The following USP30 variants were observed in gnomAD, a reference collection of about 807,000 sequenced individuals.
USP30 encodes the protein ubiquitin carboxyl-terminal hydrolase 30.
A neutral mutation model predicts 68.2 loss-of-function variants in USP30; 41 were observed. The ratio of observed to expected loss-of-function variants is 0.60; its 90% CI spans 0.47 to 0.78. The LOEUF is 0.78. USP30 is among the 30% of genes least tolerant of loss of function. USP30 has a pLI of 0.00. For synonymous variants in USP30, 229 were observed against 253.7 expected (o/e 0.90, Z 0.93); for missense variants, 522 against 649.4 (o/e 0.80, Z 2.13).
chr12:109,081,605 A>T, intron 8 of USP30: 1 of 587,460 alleles, frequency 1.7e-6, no homozygotes. Context: ...CTTTTTGAAT[A>T]CACACGCACG....
chr12:109,057,308 G>A (rs374348235), intron 2 of USP30, among the ~76,000 whole-genome samples: 45 of 152,142 alleles, frequency 3.0e-4, no homozygotes, highest in Non-Finnish European at 5.1e-4. Flanking sequence ...GTTAAATCTG[G>A]GGACAGTTAT....
intron 3 of USP30, among the ~76,000 whole-genome samples, chr12:109,066,404 G>A (rs565155007): frequency 3.9e-5 from 6 of 152,256 alleles, no homozygotes; most frequent in South Asian, 2.1e-4. Flanking sequence ...TAAACCACTC[G>A]GGTGGGTGCA....
chr12:109,056,612 C>T lies in USP30; in HGVS notation c.84-70C>T, dbSNP rs559935742. 8 of 1,028,248 alleles carry T rather than the reference C, an allele frequency of 7.8e-6. No individual in the cohort carries two copies. In the South Asian group the frequency reaches 1.4e-4, roughly 18 times the overall value. The allele number at this position is 1,028,248 out of a possible 1,614,324, so 63.7% of individuals were successfully genotyped here. Reference sequence around the variant, plus strand: ...TGGGTTATTTTGACAAAATGTTATTCTGTCTATATCTGTATATTTGCCTTT... The same window carrying T: ...TGGGTTATTTTGACAAAATGTTATTTTGTCTATATCTGTATATTTGCCTTT... On this transcript the variant is annotated intron_variant, in intron 1 of 12. Coordinates refer to ENST00000257548, the MANE Select transcript of USP30 (RefSeq NM_032663.5).
chr12:109,070,777 C>A lies in USP30; in HGVS notation c.481-835C>A, dbSNP rs1328179925. On this transcript the variant is annotated intron_variant, in intron 4 of 12. Coordinates refer to ENST00000257548, the MANE Select transcript of USP30 (RefSeq NM_032663.5). The surrounding 1 kb of genome is among the most constrained non-coding windows in gnomAD (Gnocchi z 4.0). ...CCCATGCCATTGGATCCAGCAACCC[C>A]GCTGCTGGGTACAAACCAAAAGAAT... Among the ~76,000 whole-genome samples the A allele has an allele frequency of 6.6e-6, 1 of 152,048 alleles. No individual in the cohort carries two copies. Among genetic ancestry groups the A allele is most frequent in the African/African-American group, 2.4e-5 (1 of 41,386 alleles).
chr12:109,071,570 G>A (rs147256943), intron 4 of USP30, 42 bp from the exon 5 acceptor site: 1 of 1,571,452 alleles, frequency 6.4e-7, no homozygotes, highest in Non-Finnish European at 8.7e-7. Context: ...TCTTGCTCTT[G>A]CCTCTTCCAA....
chr12:109,048,482 G>C (rs1237142089), upstream of USP30, among the ~76,000 whole-genome samples: 1 of 151,936 alleles, frequency 6.6e-6, no homozygotes, highest in African/African-American at 2.4e-5. Flanking sequence ...AGGGCCAGGG[G>C]GTCACTTGTG....
chr12:109,063,106 ATT>A (rs71443832), intron 3 of USP30, among the ~76,000 whole-genome samples: 2 of 149,920 alleles, frequency 1.3e-5, no homozygotes, highest in Admixed American at 6.6e-5. Context: ...TATTCTTTCT[ATT>A]TTTTTTTTTA....
intron 12 of USP30, 100 bp downstream of exon 12, chr12:109,085,173 A>G (rs2041910996): frequency 8.1e-7 from 1 of 1,237,690 alleles, no homozygotes; most frequent in Non-Finnish European, 1.1e-6. Context: ...ATAGATGTTT[A>G]TTTTTCATTT....
intron 7 of USP30, among the ~76,000 whole-genome samples, chr12:109,075,835 CTTTTTCT>C (rs1310168065): frequency 8.8e-6 from 1 of 113,752 alleles, no homozygotes; most frequent in Non-Finnish European, 1.8e-5. Flanking sequence ...AATCATGTTA[CTTTTTCT>C]TTTTTTTTTT....
At chr12:109,073,119 G>A (rs1465302384) in intron 6 of USP30, among the ~76,000 whole-genome samples, 1 of 152,166 alleles carries the variant, frequency 6.6e-6, no homozygotes, top group Non-Finnish European at 1.5e-5. Context: ...ATGTTCACTT[G>A]TGGTATCCTT....
Position 109,073,512 on chromosome 12 carries a change from T to C in USP30, c.700T>C (p.Cys234Arg), listed in dbSNP as rs2041507807. 1 of 1,613,424 alleles carries C rather than the reference T, an allele frequency of 6.2e-7. No homozygotes were observed. Among genetic ancestry groups the C allele is most frequent in the East Asian group, 2.2e-5 (1 of 44,896 alleles). ...FHGRLTSNMV[C>R]KHCEHQSPVR... The stretch of plus-strand genomic sequence containing the variant: ...TGGAAGACTCACTAGTAATATGGTC[T>C]GCAAACACTGTGAACACCAGGTAAA... The change falls in exon 7 of 13, where the codon TGC becomes CGC. Residue 234 changes from cysteine to arginine, a missense_variant. Physicochemically the swap from Cys to Arg is radical, Grantham distance 180. Transcript: ENST00000257548.
At chr12:109,050,249 A>T (rs1419594077), upstream of USP30, among the ~76,000 whole-genome samples, 1 of 151,612 alleles carries the variant, frequency 6.6e-6, no homozygotes, top group African/African-American at 2.4e-5. Context: ...AGCTGAGATC[A>T]CGCCACTGCA....
intron 3 of USP30, among the ~76,000 whole-genome samples, chr12:109,034,379 G>A (rs1215519697): frequency 6.6e-6 from 1 of 152,068 alleles, no homozygotes; most frequent in African/African-American, 2.4e-5. Flanking sequence ...CTTATTTTAT[G>A]GCCTAATATA....
At chr12:109,028,305 A>C (rs1412486965) in intron 3 of USP30, among the ~76,000 whole-genome samples, 4 of 152,170 alleles carry the variant, frequency 2.6e-5, no homozygotes, top group African/African-American at 9.7e-5. Context: ...GTAATTTATA[A>C]AGAAAAGAGA....
intron 2 of USP30, among the ~76,000 whole-genome samples, chr12:109,025,682 T>C (rs1243726538): frequency 6.7e-6 from 1 of 150,150 alleles, no homozygotes; most frequent in Non-Finnish European, 1.5e-5. Context: ...AACTGCCACT[T>C]TTTTTTTTTG....
At chr12:109,038,645 T>G (rs984246566) in intron 3 of USP30, among the ~76,000 whole-genome samples, 1 of 152,200 alleles carries the variant, frequency 6.6e-6, no homozygotes, top group African/African-American at 2.4e-5. Context: ...AGAAGAGGAA[T>G]GGTTGGATCA....
rs917590464 is a variant in USP30, at chr12:109,056,573, A to G, written c.84-109A>G. The stretch of plus-strand genomic sequence containing the variant: ...ATGACTATATGTTACTTTAACTTGC[A>G]ATTAGGTATTTGGTGGGTTATTTTG... On this transcript the variant is annotated intron_variant, in intron 1 of 12. Transcript: ENST00000257548. 2.0e-5 allele frequency: 13 copies of G among 658,094 alleles called. No homozygotes were observed. In the African/African-American group the frequency reaches 2.2e-4, roughly 11 times the overall value. The allele number at this position is 658,094 out of a possible 1,614,324, so 40.8% of individuals were successfully genotyped here.
chr12:109,077,847 G>C (rs1269503542), intron 7 of USP30, among the ~76,000 whole-genome samples: 1 of 151,840 alleles, frequency 6.6e-6, no homozygotes, highest in Non-Finnish European at 1.5e-5. Context: ...GTGTGTGTGA[G>C]AGATTACGTT....
intron 7 of USP30, among the ~76,000 whole-genome samples, chr12:109,074,608 A>G (rs1425094125): frequency 6.6e-6 from 1 of 152,192 alleles, no homozygotes; most frequent in Non-Finnish European, 1.5e-5. Flanking sequence ...GCAAAGTAGT[A>G]TCTCACTGTG....
Sources: allele counts gnomAD v4.1 joint callset (sites outside exome capture counted in the v4.1 genomes callset), GRCh38; gene constraint gnomAD v4.1.1; non-coding constraint Gnocchi (gnomAD v3.1); transcripts MANE v1.5; gene names NCBI Gene and HGNC (gene_info 2026-07-23, HGNC 2026-07-21).